TIMM44: variants seen among roughly 807,000 people sequenced by gnomAD.
The protein encoded by TIMM44 is translocase of inner mitochondrial membrane 44, also known as mitochondrial import inner membrane translocase subunit TIM44.
In TIMM44, 37 loss-of-function variants were observed where a neutral mutation model predicts 63.8. The ratio of observed to expected loss-of-function variants is 0.58; its 90% CI spans 0.45 to 0.76. The LOEUF is 0.76. TIMM44 is among the 30% of genes least tolerant of loss of function. The pLI is 0.00. For synonymous variants in TIMM44, 239 were observed against 245.1 expected (o/e 0.98, Z 0.23); for missense variants, 573 against 603.8 (o/e 0.95, Z 0.54).
chr19:7,931,880 T>C (rs1599647420), intron 9 of TIMM44: 1 of 155,452 alleles, frequency 6.4e-6, no homozygotes, highest in East Asian at 1.9e-4. Flanking sequence ...GCTGCTGTTT[T>C]GGGGCATGGC....
chr19:7,933,814 G>A lies in TIMM44; in HGVS notation c.683+50C>T. On this transcript the variant is annotated intron_variant, in intron 6 of 12. Transcript: ENST00000270538. This position sits in a 1 kb window ranked among gnomAD's most constrained non-coding sequence, Gnocchi z 4.3. ...TGGTGGGCTCCCGAAATGGACAGCA[G>A]TGAAAGCTGCCCAAAATGGGGGCAG... 6.2e-7 allele frequency: 1 copy of A among 1,612,056 alleles called. No individual in the cohort carries two copies. Among genetic ancestry groups the A allele is most frequent in the African/African-American group, 1.3e-5 (1 of 75,040 alleles).
At position 7,927,990 on chromosome 19, in the gene TIMM44, C is replaced by A. The variant is rs1983863102; in HGVS notation, c.1128+87G>T. ...TCTTGGATCAGCCCATGGCCCCCAG[C>A]CCCTGGCAAGGCCACCTCCTGGGCC... On this transcript the variant is annotated intron_variant, in intron 11 of 12. Transcript: ENST00000270538. The A allele has an allele frequency of 3.5e-5, 47 of 1,350,130 alleles. 1 individual carries two copies. The South Asian group carries it at 5.5e-4, about 16-fold the overall frequency. The allele number at this position is 1,350,130 out of a possible 1,614,324, so 83.6% of individuals were successfully genotyped here.
chr19:7,940,232 T>TAA (rs570613284), intron 2 of TIMM44, among the ~76,000 whole-genome samples: 1 of 139,286 alleles, frequency 7.2e-6, no homozygotes, highest in African/African-American at 2.7e-5. Context: ...GACCCTATCT[T>TAA]AAAAAAAAAA....
At chr19:7,931,297 AC>A in intron 9 of TIMM44, 109 bp from the exon 10 acceptor site, 3 of 1,035,190 alleles carry the variant, frequency 2.9e-6, no homozygotes, top group African/African-American at 1.6e-5. Context: ...TTCCTCAGAC[AC>A]CCCCGGCTGC....
At position 7,933,674 on chromosome 19, in the gene TIMM44, AC is replaced by A; in HGVS notation, c.684-105del. On this transcript the variant is annotated intron_variant, in intron 6 of 12. Coordinates refer to ENST00000270538, the MANE Select transcript of TIMM44 (RefSeq NM_006351.4). The surrounding 1 kb of genome is among the most constrained non-coding windows in gnomAD (Gnocchi z 4.3). ...CAGTACAGGACAGCAGGCAGCTGAG[AC>A]CTCAAACCTAGGGGCTCTGAGGACC... 3.9e-6 allele frequency: 5 copies of A among 1,292,838 alleles called. No homozygotes were observed. Among genetic ancestry groups the A allele is most frequent in the Non-Finnish European group, 5.6e-6 (5 of 893,816 alleles). The allele number at this position is 1,292,838 out of a possible 1,614,324, so 80.1% of individuals were successfully genotyped here.
In TIMM44 at chr19:7,943,473, A is replaced by G. The variant is rs1057385714; in HGVS notation, c.45+134T>C. The G allele has an allele frequency of 2.7e-6, 3 of 1,114,202 alleles. No homozygotes were observed. The highest frequency in any genetic ancestry group is 2.6e-6 in the Non-Finnish European group (2 of 768,000). The allele number at this position is 1,114,202 out of a possible 1,614,324, so 69.0% of individuals were successfully genotyped here. A position where few individuals can be genotyped will look rare whatever the true frequency, so the allele number is the denominator to read the frequency against. ...CCCCCTGTCCTGGCCTCTGCTACCC[A>G]AAGATCTAACCCCAAGCTTTCTAAG... On this transcript the variant is annotated intron_variant, in intron 1 of 12. Coordinates refer to ENST00000270538, the MANE Select transcript of TIMM44 (RefSeq NM_006351.4). The surrounding 1 kb of genome is among the most constrained non-coding windows in gnomAD (Gnocchi z 4.3).
rs375656880 is a variant in TIMM44, at chr19:7,927,247, G to A, written c.1299C>T (p.Asn433=). Residue 433 remains asparagine, a synonymous_variant, in exon 13 of 13, where the codon AAC becomes AAT. Coordinates refer to ENST00000270538, the MANE Select transcript of TIMM44 (RefSeq NM_006351.4). ...CCAGGAGCCGCCAGGCCGCGTAGGG[G>A]TTGAGCTCGTCCTGGTCTCGGCAGA... is the stretch of plus-strand genomic sequence containing the variant. ...WALCRDQDEL[N]PYAAWRLLDI... 34 of 1,612,528 alleles carry A rather than the reference G, an allele frequency of 2.1e-5. No individual in the cohort carries two copies. The African/African-American group carries it at 4.3e-4, about 20-fold the overall frequency.
intron 3 of TIMM44, 102 bp downstream of exon 3, chr19:7,937,925 G>A (rs1984199563): frequency 3.5e-6 from 5 of 1,411,654 alleles, no homozygotes; most frequent in East Asian, 2.3e-5. Context: ...GGCTGAGGCA[G>A]GGGAATCACT....
chr19:7,941,325 A>C, intron 1 of TIMM44, 128 bp from the exon 2 acceptor site: 1 of 720,784 alleles, frequency 1.4e-6, no homozygotes, highest in Non-Finnish European at 2.4e-6. Flanking sequence ...TTTGAGACGG[A>C]GTCTCAGGCT....
rs371760998 is a variant in TIMM44 at position 7,933,835 on chromosome 19, G to A, written c.683+29C>T. The A allele has an allele frequency of 6.2e-7, 1 of 1,613,582 alleles. No homozygotes were observed. The highest frequency in any genetic ancestry group is 8.5e-7 in the Non-Finnish European group (1 of 1,180,000). ...AGCAGTGAAAGCTGCCCAAAATGGGGGCAGCGAGGGCCACGGGCTGGTACC... is the reference window on the plus strand; with the variant it reads ...AGCAGTGAAAGCTGCCCAAAATGGGAGCAGCGAGGGCCACGGGCTGGTACC... On this transcript the variant is annotated intron_variant, in intron 6 of 12. Coordinates refer to ENST00000270538, the MANE Select transcript of TIMM44 (RefSeq NM_006351.4). This position sits in a 1 kb window ranked among gnomAD's most constrained non-coding sequence, Gnocchi z 4.3.
chr19:7,941,740 G>A (rs1203668829), intron 1 of TIMM44, among the ~76,000 whole-genome samples: 2 of 152,066 alleles, frequency 1.3e-5, no homozygotes, highest in East Asian at 3.9e-4. Flanking sequence ...CTGAAACTGG[G>A]GGAAAACGGA....
intron 9 of TIMM44, among the ~76,000 whole-genome samples, chr19:7,932,034 G>A (rs1307718265): frequency 1.3e-5 from 2 of 152,244 alleles, no homozygotes; most frequent in African/African-American, 4.8e-5. Flanking sequence ...TGGCCCGACT[G>A]GGCCGAAGGT....
chr19:7,933,769 C>A lies in TIMM44; in HGVS notation c.683+95G>T. On this transcript the variant is annotated intron_variant, in intron 6 of 12. Coordinates refer to ENST00000270538, the MANE Select transcript of TIMM44 (RefSeq NM_006351.4). This position sits in a 1 kb window ranked among gnomAD's most constrained non-coding sequence, Gnocchi z 4.3. Reference sequence around the variant, plus strand: ...TTGGGCAGAAGGCAAACTCAAGAAACGGACTCAGGAGGGAACCATTGGTGG... The same window carrying A: ...TTGGGCAGAAGGCAAACTCAAGAAAAGGACTCAGGAGGGAACCATTGGTGG... 1.9e-6 allele frequency: 3 copies of A among 1,572,188 alleles called. No homozygotes were observed. The highest frequency in any genetic ancestry group is 2.6e-6 in the Non-Finnish European group (3 of 1,148,498).
In TIMM44 at chr19:7,938,179, CAGA is replaced by C. The variant is rs746036523; in HGVS notation, c.157_159del (p.Ser53del). 2 of 1,612,952 alleles carry C rather than the reference CAGA, an allele frequency of 1.2e-6. No homozygotes were observed. The highest frequency in any genetic ancestry group is 1.7e-6 in the Non-Finnish European group (2 of 1,179,788). On this transcript the variant is annotated inframe_deletion, in exon 3 of 13. Transcript: ENST00000270538. The stretch of plus-strand genomic sequence containing the variant: ...CCGGACAGAAAGCCTTTTCTGTTTC[CAGA>C]AGAATATGATTTGGACTAGAAAGAA...
In TIMM44 at chr19:7,933,866, G is replaced by A. The variant is rs761244845; in HGVS notation, c.681C>T (p.Asn227=). The A allele has an allele frequency of 2.9e-5, 47 of 1,613,990 alleles. No homozygotes were observed. The highest frequency in any genetic ancestry group is 3.7e-5 in the Non-Finnish European group (44 of 1,180,028). ...KFKEEKVFEP[N]EEALGVVLHK... ...GAGGGCCACGGGCTGGTACCTACTCGTTTGGCTCAAACACTTTCTCCTCCT... is the reference window on the plus strand; with the variant it reads ...GAGGGCCACGGGCTGGTACCTACTCATTTGGCTCAAACACTTTCTCCTCCT... Residue 227 remains asparagine (N), a splice_region_variant and synonymous_variant, in exon 6 of 13, where the codon AAC becomes AAT. Coordinates refer to ENST00000270538, the MANE Select transcript of TIMM44 (RefSeq NM_006351.4). The surrounding 1 kb of genome is among the most constrained non-coding windows in gnomAD (Gnocchi z 4.3).
rs1983828332 is a variant in TIMM44, at chr19:7,927,075, G to T, written c.*112C>A. On this transcript the variant is annotated 3_prime_UTR_variant, in exon 13 of 13. Coordinates refer to ENST00000270538, the MANE Select transcript of TIMM44 (RefSeq NM_006351.4). ...GTCTTGCAGCCGTCCTGGCAGAGCT[G>T]GGGGCAGAGCCCGCAGTCTTGTTCC... is the stretch of plus-strand genomic sequence containing the variant. 1.4e-6 allele frequency: 2 copies of T among 1,456,492 alleles called. No individual in the cohort carries two copies. The highest frequency in any genetic ancestry group is 1.4e-5 in the African/African-American group (1 of 71,532). The allele number at this position is 1,456,492 out of a possible 1,614,324, so 90.2% of individuals were successfully genotyped here. A position where few individuals can be genotyped will look rare whatever the true frequency, so the allele number is the denominator to read the frequency against.
intron 10 of TIMM44, chr19:7,928,511 G>C (rs1293664723): frequency 3.4e-6 from 1 of 295,860 alleles, no homozygotes; most frequent in Non-Finnish European, 6.5e-6. Flanking sequence ...GCCGCACTCT[G>C]AATCTTGGCC....
Position 7,934,935 on chromosome 19 carries a change from G to T in TIMM44, c.393+130C>A. On this transcript the variant is annotated intron_variant, in intron 4 of 12. Transcript: ENST00000270538. This position sits in a 1 kb window ranked among gnomAD's most constrained non-coding sequence, Gnocchi z 5.3. ...GGGAACTCCTGAAACCTTCCCGAGG[G>T]TGGCAGCACGCCCCATGCCACCCAC... 1 of 797,886 alleles carries T rather than the reference G, an allele frequency of 1.3e-6. No homozygotes were observed. The highest frequency in any genetic ancestry group is 2.1e-6 in the Non-Finnish European group (1 of 470,088). The allele number at this position is 797,886 out of a possible 1,614,324, so 49.4% of individuals were successfully genotyped here.
Position 7,927,695 on chromosome 19 carries a change from C to T in TIMM44, c.1201G>A (p.Val401Ile). 1 of 1,613,556 alleles carries T rather than the reference C, an allele frequency of 6.2e-7. No homozygotes were observed. Among genetic ancestry groups the T allele is most frequent in the Non-Finnish European group, 8.5e-7 (1 of 1,180,016 alleles). Residue 401 changes from valine to isoleucine, a missense_variant, in exon 12 of 13, where the codon GTC (valine) becomes ATC (isoleucine). Val to Ile is a conservative substitution (Grantham distance 29). Coordinates refer to ENST00000270538, the MANE Select transcript of TIMM44 (RefSeq NM_006351.4). ...ACCACCTCGCCTTTGGGGTTCCTGACCACCATCACCAGCTGTGCCTGGAAG... is the reference window on the plus strand; with the variant it reads ...ACCACCTCGCCTTTGGGGTTCCTGATCACCATCACCAGCTGTGCCTGGAAG... The part of the protein sequence containing the change: ...ITFQAQLVMV[V>I]RNPKGEVVEG...
Sources: gnomAD v4.1 joint callset for allele counts (sites outside exome capture counted in the v4.1 genomes callset) on GRCh38, gnomAD v4.1.1 for gene constraint, Gnocchi (gnomAD v3.1) non-coding constraint, MANE v1.5 for transcripts, NCBI Gene and HGNC (gene_info 2026-07-23, HGNC 2026-07-21) for gene names.